Variants in MDFIC2 observed in about 807,000 individuals in gnomAD.
MDFIC2 encodes myoD family inhibitor domain-containing protein 2.
At chr3:70,301,917 A>G (rs1177989947) in intron 2 of MDFIC2, among the ~76,000 whole-genome samples, 1 of 152,154 alleles carries the variant, frequency 6.6e-6, no homozygotes, top group Non-Finnish European at 1.5e-5. Flanking sequence ...GTTAAAATGC[A>G]GATTTTCTTC....
intron 2 of MDFIC2, among the ~76,000 whole-genome samples, chr3:70,263,371 CT>C (rs570169026): frequency 1.1e-3 from 166 of 152,160 alleles, no homozygotes; most frequent in African/African-American, 3.8e-3. Flanking sequence ...TATTTTAAAA[CT>C]CTTTTAGGGT....
chr3:70,199,583 G>T (rs373681519), intron 3 of MDFIC2, among the ~76,000 whole-genome samples: 8 of 152,198 alleles, frequency 5.3e-5, no homozygotes, highest in Admixed American at 3.3e-4. Flanking sequence ...GATCTTTCAA[G>T]TGAGTTCCAC....
intron 2 of MDFIC2, among the ~76,000 whole-genome samples, chr3:70,241,114 G>A (rs1701664064): frequency 6.6e-6 from 1 of 152,128 alleles, no homozygotes; most frequent in African/African-American, 2.4e-5. Context: ...GTTCATGGAT[G>A]GAGTACCATA....
At chr3:70,254,718 G>C (rs1701799016) in intron 2 of MDFIC2, among the ~76,000 whole-genome samples, 1 of 152,122 alleles carries the variant, frequency 6.6e-6, no homozygotes, top group Admixed American at 6.6e-5. Context: ...AAAAGCAGAA[G>C]TTCTGTCATG....
intron 2 of MDFIC2, among the ~76,000 whole-genome samples, chr3:70,310,504 T>C (rs1257155092): frequency 2.0e-5 from 3 of 152,002 alleles, no homozygotes; most frequent in Non-Finnish European, 4.4e-5. Flanking sequence ...TAGCTGGGAC[T>C]ACAGGGGTGT....
chr3:70,238,616 GA>G (rs144973336), intron 2 of MDFIC2, among the ~76,000 whole-genome samples: 2,660 of 144,332 alleles, frequency 0.018, 35 homozygotes, highest in East Asian at 0.045. Flanking sequence ...TCTCAAAAAA[GA>G]AAAAAAAAAG....
At chr3:70,200,761 A>G (rs1182860626) in intron 3 of MDFIC2, among the ~76,000 whole-genome samples, 1 of 152,166 alleles carries the variant, frequency 6.6e-6, no homozygotes, top group Non-Finnish European at 1.5e-5. Flanking sequence ...TAACAAGTAA[A>G]TATTGTAATC....
At chr3:70,268,206 C>T (rs905204305) in intron 2 of MDFIC2, among the ~76,000 whole-genome samples, 2 of 152,148 alleles carry the variant, frequency 1.3e-5, no homozygotes, top group Non-Finnish European at 2.9e-5. Flanking sequence ...CGCGGTAGCT[C>T]ACGCCTGTCA....
intron 2 of MDFIC2, among the ~76,000 whole-genome samples, chr3:70,273,820 C>T (rs1482047157): frequency 1.3e-5 from 2 of 151,856 alleles, no homozygotes; most frequent in East Asian, 1.9e-4. Flanking sequence ...TTTGTTTTTC[C>T]AAGGCAGAGT....
intron 2 of MDFIC2, among the ~76,000 whole-genome samples, chr3:70,270,119 T>C (rs541576829): frequency 2.6e-5 from 4 of 152,306 alleles, no homozygotes; most frequent in Admixed American, 2.0e-4. Flanking sequence ...CACAGCATTA[T>C]GCACATACAT....
intron 2 of MDFIC2, among the ~76,000 whole-genome samples, chr3:70,210,455 A>G (rs150163265): frequency 6.6e-6 from 1 of 152,246 alleles, no homozygotes; most frequent in East Asian, 1.9e-4. Context: ...AGTGAGTCAC[A>G]ATTTTTGGGT....
chr3:70,221,080 A>G (rs1356993482), intron 2 of MDFIC2, among the ~76,000 whole-genome samples: 4 of 152,194 alleles, frequency 2.6e-5, no homozygotes, highest in African/African-American at 9.6e-5. Context: ...AGCACTGGTG[A>G]AATATTTTCA....
At chr3:70,260,069 T>C (rs1278124932) in intron 2 of MDFIC2, among the ~76,000 whole-genome samples, 1 of 152,174 alleles carries the variant, frequency 6.6e-6, no homozygotes, top group Non-Finnish European at 1.5e-5. Flanking sequence ...CAAGATGAGA[T>C]TTGGGTGGGG....
intron 3 of MDFIC2, among the ~76,000 whole-genome samples, chr3:70,199,113 A>G (rs1181902448): frequency 6.6e-6 from 1 of 152,220 alleles, no homozygotes; most frequent in African/African-American, 2.4e-5. Flanking sequence ...TTATGACCAT[A>G]TAAAAATGAG....
chr3:70,281,505 C>T (rs1702082933), intron 2 of MDFIC2, among the ~76,000 whole-genome samples: 1 of 152,162 alleles, frequency 6.6e-6, no homozygotes, highest in African/African-American at 2.4e-5. Flanking sequence ...CTTAAAGTCT[C>T]TTTAATAGTA....
At chr3:70,201,783 C>T (rs1701241735) in intron 3 of MDFIC2, among the ~76,000 whole-genome samples, 1 of 152,174 alleles carries the variant, frequency 6.6e-6, no homozygotes, top group Admixed American at 6.5e-5. Context: ...CTCTCCATTC[C>T]CTCCTCTTGC....
In MDFIC2 at chr3:70,278,817, C is replaced by G. The variant is rs1221053494; in HGVS notation, c.88+33069G>C. On this transcript the variant is annotated intron_variant, in intron 2 of 3. Coordinates refer to ENST00000567252, the MANE Select transcript of MDFIC2 (RefSeq NM_001364677.1). ...TATGTTTCCTATGCCTCAGATTCTTCTTCTATAAAGGATAGCAAGCCACCT... is the reference window on the plus strand; with the variant it reads ...TATGTTTCCTATGCCTCAGATTCTTGTTCTATAAAGGATAGCAAGCCACCT... Among the ~76,000 whole-genome samples, 5 of 152,060 alleles carry G rather than the reference C, an allele frequency of 3.3e-5. No individual in the cohort carries two copies. The East Asian group carries it at 9.7e-4, about 29-fold the overall frequency.
intron 2 of MDFIC2, among the ~76,000 whole-genome samples, chr3:70,233,517 A>C (rs1701580685): frequency 6.6e-6 from 1 of 152,202 alleles, no homozygotes; most frequent in African/African-American, 2.4e-5. Flanking sequence ...AATAATTGAC[A>C]AGGCTTTAAA....
intron 2 of MDFIC2, among the ~76,000 whole-genome samples, chr3:70,268,780 TA>T (rs1277887438): frequency 1.3e-5 from 2 of 152,212 alleles, no homozygotes; most frequent in Admixed American, 1.3e-4. Context: ...TATATCTGAT[TA>T]TTTGCATCAT....
Sources: allele counts gnomAD v4.1 joint callset (sites outside exome capture counted in the v4.1 genomes callset), GRCh38; gene constraint gnomAD v4.1.1; transcripts MANE v1.5; gene names NCBI Gene and HGNC (gene_info 2026-07-23, HGNC 2026-07-21).